The following MED12L variants were observed in gnomAD, a reference collection of about 807,000 sequenced individuals.
MED12L encodes mediator of RNA polymerase II transcription subunit 12-like protein.
A neutral mutation model predicts 281.3 loss-of-function variants in MED12L; 60 were observed. The observed-to-expected ratio is 0.21, with a 90% CI of 0.17 to 0.26. The LOEUF (loss-of-function observed/expected upper bound fraction) is 0.26, where lower values mean the gene tolerates loss of function less well. MED12L is among the 10% of genes least tolerant of loss of function. MED12L has a pLI of 1.00. For synonymous variants in MED12L, 974 were observed against 987.2 expected, an observed-to-expected ratio of 0.99 and a Z score of 0.25; for missense variants, 2,146 against 2,680.9, an observed-to-expected ratio of 0.80 and a Z score of 4.41.
chr3:151,244,974 G>T (rs1735076401), intron 16 of MED12L, among the ~76,000 whole-genome samples: 1 of 151,408 alleles, frequency 6.6e-6, no homozygotes, highest in African/African-American at 2.4e-5. Flanking sequence ...ACTACCATCA[G>T]ATAATACTAC....
chr3:151,217,472 A>G (rs1728469519), intron 16 of MED12L, among the ~76,000 whole-genome samples: 2 of 152,224 alleles, frequency 1.3e-5, no homozygotes, highest in South Asian at 4.1e-4. Context: ...GGACTGACTG[A>G]CCAAGGTAAA....
chr3:151,359,624 A>G (rs958835712), intron 20 of MED12L, among the ~76,000 whole-genome samples: 1 of 152,142 alleles, frequency 6.6e-6, no homozygotes, highest in African/African-American at 2.4e-5. Context: ...CCTTTGAGCA[A>G]GTCACCCCAC....
intron 2 of MED12L, among the ~76,000 whole-genome samples, chr3:151,095,394 G>C (rs1436628911): frequency 6.6e-6 from 1 of 152,288 alleles, no homozygotes; most frequent in East Asian, 1.9e-4. Flanking sequence ...CTGGAGTGCA[G>C]TGGCACCATC....
In MED12L at chr3:151,148,604, T is replaced by C. The variant is rs180731731; in HGVS notation, c.557-7557T>C. Among the ~76,000 whole-genome samples the C allele has an allele frequency of 1.4e-4, 22 of 152,248 alleles. No individual in the cohort carries two copies. In the East Asian group the frequency reaches 3.9e-3, roughly 27 times the overall value. ...ATTTCCAAGGAAATGAATTTCTCCA[T>C]TGAGGAGTCCATCACCTCTGACTTA... is the stretch of plus-strand genomic sequence containing the variant. On this transcript the variant is annotated intron_variant, in intron 5 of 44. Coordinates refer to ENST00000687756, the MANE Select transcript of MED12L (RefSeq NM_001393769.1).
chr3:151,286,073 A>G (rs1743465511), intron 16 of MED12L, among the ~76,000 whole-genome samples: 1 of 152,208 alleles, frequency 6.6e-6, no homozygotes, highest in African/African-American at 2.4e-5. Flanking sequence ...CCCACCTTCT[A>G]CTTGATTGGG....
At chr3:151,328,716 A>T (rs1326423321) in intron 16 of MED12L, 2 of 1,614,014 alleles carry the variant, frequency 1.2e-6, no homozygotes, top group African/African-American at 2.7e-5. Flanking sequence ...CGACACACAA[A>T]AGCTCTGAGC....
chr3:151,331,234 G>A (rs1176551295), intron 16 of MED12L, among the ~76,000 whole-genome samples: 2 of 152,170 alleles, frequency 1.3e-5, no homozygotes. Context: ...TGCTTCTTAT[G>A]TATTAGCTGA....
intron 16 of MED12L, among the ~76,000 whole-genome samples, chr3:151,214,685 A>G (rs1576992795): frequency 6.6e-6 from 1 of 151,936 alleles, no homozygotes; most frequent in East Asian, 1.9e-4. Flanking sequence ...CAGTAAAGAG[A>G]AACTGGAGCA....
At chr3:151,197,424 G>A (rs1204880830) in intron 16 of MED12L, among the ~76,000 whole-genome samples, 1 of 152,186 alleles carries the variant, frequency 6.6e-6, no homozygotes, top group Non-Finnish European at 1.5e-5. Context: ...GCCTCCCAAA[G>A]TGTGTGAGCC....
At chr3:151,383,343 T>C (rs1362496706) in intron 33 of MED12L, among the ~76,000 whole-genome samples, 1 of 152,230 alleles carries the variant, frequency 6.6e-6, no homozygotes, top group Middle Eastern at 3.2e-3. Flanking sequence ...CCACCACTGC[T>C]GTGATAGTGG....
chr3:151,294,985 G>A (rs772562403), intron 16 of MED12L: 4 of 1,613,516 alleles, frequency 2.5e-6, no homozygotes, highest in Non-Finnish European at 3.4e-6. Flanking sequence ...TCATTATGAG[G>A]TCTGCAACCA....
chr3:151,123,399 A>C (rs1254065711), intron 4 of MED12L, among the ~76,000 whole-genome samples: 2 of 152,334 alleles, frequency 1.3e-5, no homozygotes, highest in East Asian at 3.9e-4. Flanking sequence ...ACCAAGCAAG[A>C]TAAAGATTGT....
At chr3:151,339,076 A>T (rs983820844) in intron 16 of MED12L, among the ~76,000 whole-genome samples, 1 of 152,140 alleles carries the variant, frequency 6.6e-6, no homozygotes, top group Non-Finnish European at 1.5e-5. Context: ...GAAGTACAAT[A>T]TGTGAAGTTA....
At chr3:151,207,708 G>A (rs1418358389) in intron 16 of MED12L, among the ~76,000 whole-genome samples, 1 of 152,174 alleles carries the variant, frequency 6.6e-6, no homozygotes, top group African/African-American at 2.4e-5. Flanking sequence ...AAGGTGAGAA[G>A]CCAGTTAAGG....
chr3:151,420,055 C>T (rs1718067366), intron 43 of MED12L, among the ~76,000 whole-genome samples: 1 of 152,146 alleles, frequency 6.6e-6, no homozygotes, highest in Admixed American at 6.6e-5. Context: ...TCGTGTTTTT[C>T]TTCCTGGTTG....
In MED12L at chr3:151,383,949, T is replaced by C. The variant is rs559319831; in HGVS notation, c.4790+61T>C. ...TGTATGCATGGTATAAGCTTTGATA[T>C]ACTGATGGCGATTTCTGCCACATCT... On this transcript the variant is annotated intron_variant, in intron 34 of 44. Transcript: ENST00000687756. 46 of 1,513,822 alleles carry C rather than the reference T, an allele frequency of 3.0e-5. No individual in the cohort carries two copies. The Admixed American group carries it at 5.5e-4, about 18-fold the overall frequency. 93.8% of individuals were successfully genotyped at this position (1,513,822 alleles called of 1,614,324 possible).
At chr3:151,104,476 C>T (rs1244281895) in intron 2 of MED12L, among the ~76,000 whole-genome samples, 2 of 152,118 alleles carry the variant, frequency 1.3e-5, no homozygotes, top group African/African-American at 2.4e-5. Context: ...CAGTCAGCGG[C>T]CGAGATGTCT....
rs2108509142 is a variant in MED12L at position 151,435,282 on chromosome 3, A to C, written c.*2478A>C. The C allele has an allele frequency of 6.6e-6, 1 of 152,218 alleles. No individual in the cohort carries two copies. Among genetic ancestry groups the C allele is most frequent in the East Asian group, 1.9e-4 (1 of 5,178 alleles). 9.4% of individuals were successfully genotyped at this position (152,218 alleles called of 1,614,324 possible). ...TCAATCACAGTTCTTGGATATAAGA[A>C]GCCCATAGACTCTCTTGTTTACACT... On this transcript the variant is annotated 3_prime_UTR_variant, in exon 45 of 45. Transcript: ENST00000687756.
chr3:151,354,240 A>G (rs1753650271), intron 17 of MED12L, among the ~76,000 whole-genome samples: 3 of 151,826 alleles, frequency 2.0e-5, no homozygotes, highest in Non-Finnish European at 4.4e-5. Flanking sequence ...TGTCTTTGTA[A>G]ACATAAAATA....
Sources: gnomAD v4.1 joint callset for allele counts (sites outside exome capture counted in the v4.1 genomes callset) on GRCh38, gnomAD v4.1.1 for gene constraint, MANE v1.5 for transcripts, NCBI Gene and HGNC (gene_info 2026-07-23, HGNC 2026-07-21) for gene names.